Variants in NKAIN3 observed in about 807,000 individuals in gnomAD.
NKAIN3 encodes the protein sodium/potassium transporting ATPase interacting 3.
NKAIN3 carries 25 observed loss-of-function variants against 30.2 expected under a neutral mutation model. The observed-to-expected ratio is 0.83, with a 90% CI of 0.60 to 1.16. The LOEUF (loss-of-function observed/expected upper bound fraction) is 1.16, where lower values mean the gene tolerates loss of function less well. Among genes scored for constraint, NKAIN3 ranks in the 50% most tolerant of loss-of-function variants. The probability of loss-of-function intolerance (pLI) is 0.00; values close to 1 mark genes in which losing one functional copy is unlikely to be tolerated. For synonymous variants in NKAIN3, 91 were observed against 89.6 expected (o/e 1.02, Z -0.09); for missense variants, 225 against 254.1 (o/e 0.89, Z 0.78).
chr8:62,893,644 A>ATG (rs71559382), intron 4 of NKAIN3, among the ~76,000 whole-genome samples: 1,555 of 151,198 alleles, frequency 0.01, 9 homozygotes, highest in South Asian at 0.021. Flanking sequence ...TACTCCTTGA[A>ATG]TGTGTGTGTG....
At chr8:62,789,782 T>A (rs1011330302) in intron 4 of NKAIN3, among the ~76,000 whole-genome samples, 7 of 152,186 alleles carry the variant, frequency 4.6e-5, no homozygotes, top group Admixed American at 3.3e-4. Flanking sequence ...AATCTCTGAA[T>A]AAACCAATAA....
chr8:62,414,729 C>G (rs978348366), intron 1 of NKAIN3, among the ~76,000 whole-genome samples: 3 of 151,938 alleles, frequency 2.0e-5, no homozygotes, highest in African/African-American at 7.3e-5. Context: ...AGTCAGCAGT[C>G]AGTATTTAAC....
rs538482118 is a variant in NKAIN3 at position 62,360,115 on chromosome 8, G to A, written c.54+110988G>A. On this transcript the variant is annotated intron_variant, in intron 1 of 6. Transcript: ENST00000623646. ...CTTCACCCCATGCAGCCACCCAAAG[G>A]GAGAGACTGCCAGGAAGGCGGGGAG... Among the ~76,000 whole-genome samples the A allele has an allele frequency of 1.1e-3, 168 of 152,252 alleles. 4 individuals carry two copies. In the South Asian group the frequency reaches 0.034, roughly 31 times the overall value.
chr8:62,502,901 T>G (rs1807505851), intron 1 of NKAIN3, among the ~76,000 whole-genome samples: 2 of 152,124 alleles, frequency 1.3e-5, no homozygotes, highest in Non-Finnish European at 2.9e-5. Context: ...CTACAGGACC[T>G]TGGAAAACAT....
chr8:62,781,501 G>A (rs892281448), intron 4 of NKAIN3, among the ~76,000 whole-genome samples: 3 of 151,812 alleles, frequency 2.0e-5, no homozygotes, highest in Admixed American at 6.6e-5. Context: ...AAAGCTGGTG[G>A]CATCACATTA....
At position 62,463,483 on chromosome 8, in the gene NKAIN3, T is replaced by C. The variant is rs541075000; in HGVS notation, c.55-116056T>C. Among the ~76,000 whole-genome samples, 5 of 152,306 alleles carry C rather than the reference T, an allele frequency of 3.3e-5. No homozygotes were observed. In the South Asian group the frequency reaches 1.0e-3, roughly 32 times the overall value. On this transcript the variant is annotated intron_variant, in intron 1 of 6. Transcript: ENST00000623646. The stretch of plus-strand genomic sequence containing the variant: ...TCTAAAATGTTGAATGCAAATTTGT[T>C]ATCAAAACTCATGCCCTTGGACTGT...
At chr8:62,647,755 A>T (rs1320857348) in intron 3 of NKAIN3, among the ~76,000 whole-genome samples, 2 of 152,222 alleles carry the variant, frequency 1.3e-5, no homozygotes, top group African/African-American at 2.4e-5. Flanking sequence ...GAAAGGCAAG[A>T]AGTGAGCCTG....
chr8:62,855,511 G>A, intron 4 of NKAIN3: 1 of 1,413,092 alleles, frequency 7.1e-7, no homozygotes, highest in South Asian at 1.2e-5. Context: ...CTTCAGGATT[G>A]TAATCTGGTG....
intron 4 of NKAIN3, among the ~76,000 whole-genome samples, chr8:62,912,183 A>G (rs1322731196): frequency 1.3e-5 from 2 of 152,186 alleles, no homozygotes; most frequent in Non-Finnish European, 2.9e-5. Flanking sequence ...ATATATCTAA[A>G]TATAGAAGAA....
At chr8:62,957,356 G>C (rs1823447124) in intron 6 of NKAIN3, among the ~76,000 whole-genome samples, 1 of 152,086 alleles carries the variant, frequency 6.6e-6, no homozygotes, top group African/African-American at 2.4e-5. Flanking sequence ...GGTTGGTCTC[G>C]ATCTCCTGAC....
intron 1 of NKAIN3, among the ~76,000 whole-genome samples, chr8:62,342,825 G>A (rs1479869255): frequency 1.3e-5 from 2 of 152,008 alleles, no homozygotes; most frequent in African/African-American, 4.8e-5. Flanking sequence ...CTCTTGAGAG[G>A]TTAAGATTCA....
chr8:62,660,069 C>T (rs1432968050), intron 3 of NKAIN3, among the ~76,000 whole-genome samples: 1 of 152,058 alleles, frequency 6.6e-6, no homozygotes, highest in Non-Finnish European at 1.5e-5. Context: ...TGGTGAATGC[C>T]TCAGGGGGAG....
At position 62,969,198 on chromosome 8, in the gene NKAIN3, T is replaced by C. The variant is rs1043117378; in HGVS notation, c.*3791T>C. On this transcript the variant is annotated 3_prime_UTR_variant, in exon 7 of 7. Coordinates refer to ENST00000623646, the MANE Select transcript of NKAIN3 (RefSeq NM_001304533.3). Reference sequence around the variant, plus strand: ...TCCTTCAGAAAAATAAGCCCTGTTATTCCTATAGACCTAAATAAGGGAGGC... The same window carrying C: ...TCCTTCAGAAAAATAAGCCCTGTTACTCCTATAGACCTAAATAAGGGAGGC... Among the ~76,000 whole-genome samples the C allele has an allele frequency of 1.6e-4, 25 of 152,236 alleles. No homozygotes were observed. The highest frequency in any genetic ancestry group is 1.6e-3 in the Admixed American group (25 of 15,288).
chr8:62,518,871 G>A (rs182442863), intron 1 of NKAIN3, among the ~76,000 whole-genome samples: 159 of 152,204 alleles, frequency 1.0e-3, no homozygotes, highest in African/African-American at 3.7e-3. Flanking sequence ...ACTAGCTTCA[G>A]GATTTAGAAG....
intron 4 of NKAIN3, among the ~76,000 whole-genome samples, chr8:62,748,257 C>A (rs992543195): frequency 2.0e-5 from 3 of 152,044 alleles, no homozygotes; most frequent in Non-Finnish European, 4.4e-5. Context: ...TTTGCTGGGA[C>A]TGGAATGTCC....
chr8:62,334,358 T>G (rs1815460478), intron 1 of NKAIN3, among the ~76,000 whole-genome samples: 1 of 152,102 alleles, frequency 6.6e-6, no homozygotes, highest in African/African-American at 2.4e-5. Context: ...TTCCTTGGCT[T>G]GTAGATGCAT....
downstream of NKAIN3, among the ~76,000 whole-genome samples, chr8:62,987,761 T>A (rs1040996140): frequency 2.6e-5 from 4 of 151,982 alleles, no homozygotes; most frequent in African/African-American, 4.8e-5. Flanking sequence ...CCGCTGCCCC[T>A]CCCAAATCTC....
intron 3 of NKAIN3, among the ~76,000 whole-genome samples, chr8:62,605,741 G>A (rs1401867483): frequency 2.6e-5 from 4 of 152,030 alleles, no homozygotes; most frequent in Admixed American, 6.6e-5. Flanking sequence ...GTGTGCACAG[G>A]TCATGTGCAA....
intron 5 of NKAIN3, among the ~76,000 whole-genome samples, chr8:62,918,857 T>C (rs894113422): frequency 6.6e-6 from 1 of 152,118 alleles, no homozygotes; most frequent in African/African-American, 2.4e-5. Flanking sequence ...GGCATGTTGG[T>C]GGCAGAATTT....
Sources: gnomAD v4.1 joint callset for allele counts (sites outside exome capture counted in the v4.1 genomes callset) on GRCh38, gnomAD v4.1.1 for gene constraint, MANE v1.5 for transcripts, NCBI Gene and HGNC (gene_info 2026-07-23, HGNC 2026-07-21) for gene names.